Variants in PTPRN2 observed in about 807,000 individuals in gnomAD.
PTPRN2 encodes protein tyrosine phosphatase receptor type N2, also known as receptor-type tyrosine-protein phosphatase N2.
In PTPRN2, 74 loss-of-function variants were observed where a neutral mutation model predicts 118.8. The ratio of observed to expected loss-of-function variants is 0.62; its 90% CI spans 0.52 to 0.76. The LOEUF (loss-of-function observed/expected upper bound fraction) is 0.76, where lower values mean the gene tolerates loss of function less well. Ranked by LOEUF, PTPRN2 falls within the 30% of genes least tolerant of loss-of-function variation. PTPRN2 has a pLI of 0.00. For synonymous variants in PTPRN2, 641 were observed against 608.0 expected, an observed-to-expected ratio of 1.05 and a Z score of -0.80; for missense variants, 1,481 against 1,394.4, an observed-to-expected ratio of 1.06 and a Z score of -0.99.
chr7:157,702,066 T>C lies in PTPRN2; in HGVS notation c.1789-19129A>G, dbSNP rs778027490. On this transcript the variant is annotated intron_variant, in intron 12 of 22. Coordinates refer to ENST00000389418, the MANE Select transcript of PTPRN2 (RefSeq NM_002847.5). ...CCGGTCGGTGCTGGTGTAACTGACGTGGGCTGTGCATTTATAAGAAAGCCT... is the reference window on the plus strand; with the variant it reads ...CCGGTCGGTGCTGGTGTAACTGACGCGGGCTGTGCATTTATAAGAAAGCCT... Among the ~76,000 whole-genome samples, 28 of 145,576 alleles carry C rather than the reference T, an allele frequency of 1.9e-4. 1 individual carries two copies. The highest frequency in any genetic ancestry group is 4.7e-4 in the South Asian group (2 of 4,278).
At chr7:158,580,845 T>C (rs1424670487) in intron 1 of PTPRN2, among the ~76,000 whole-genome samples, 2 of 152,134 alleles carry the variant, frequency 1.3e-5, no homozygotes, top group African/African-American at 2.4e-5. Context: ...AAGGGTGGCA[T>C]TTTCATTCCC....
At chr7:157,911,965 G>A (rs957397939) in intron 11 of PTPRN2, among the ~76,000 whole-genome samples, 5 of 152,148 alleles carry the variant, frequency 3.3e-5, no homozygotes, top group East Asian at 1.9e-4. Flanking sequence ...GGAGCATCAC[G>A]CTTTATTTTT....
chr7:158,064,380 A>G (rs1300545081), intron 11 of PTPRN2, among the ~76,000 whole-genome samples: 1 of 152,130 alleles, frequency 6.6e-6, no homozygotes, highest in Non-Finnish European at 1.5e-5. Flanking sequence ...TGCCCAGGAC[A>G]GCCACAGCCC....
chr7:157,866,686 G>A (rs1237165374), intron 12 of PTPRN2, among the ~76,000 whole-genome samples: 3 of 151,976 alleles, frequency 2.0e-5, no homozygotes, highest in South Asian at 2.1e-4. Context: ...TCCCAGGCTC[G>A]CCCCAGTGCT....
At chr7:158,550,043 A>T (rs1586923107) in intron 1 of PTPRN2, among the ~76,000 whole-genome samples, 1 of 152,180 alleles carries the variant, frequency 6.6e-6, no homozygotes, top group South Asian at 2.1e-4. Context: ...GTCAGGAAGG[A>T]CCTCATGGGG....
At chr7:158,535,810 G>C (rs551161657) in intron 1 of PTPRN2, among the ~76,000 whole-genome samples, 3 of 150,658 alleles carry the variant, frequency 2.0e-5, no homozygotes, top group Non-Finnish European at 3.0e-5. Context: ...TTAATATAGC[G>C]GCTATACTTG....
At chr7:158,208,031 C>G (rs1827295168) in intron 3 of PTPRN2, among the ~76,000 whole-genome samples, 1 of 152,148 alleles carries the variant, frequency 6.6e-6, no homozygotes, top group Non-Finnish European at 1.5e-5. Context: ...CTCTTGACAG[C>G]AGAGTTGACC....
At chr7:158,171,326 T>TATATAC (rs1823670448) in intron 5 of PTPRN2, among the ~76,000 whole-genome samples, 1 of 127,466 alleles carries the variant, frequency 7.8e-6, no homozygotes, top group African/African-American at 3.2e-5. Flanking sequence ...TATATATATA[T>TATATAC]ATATATATAT....
chr7:158,019,496 C>T (rs977015504), intron 11 of PTPRN2, among the ~76,000 whole-genome samples: 1 of 152,218 alleles, frequency 6.6e-6, no homozygotes, highest in Non-Finnish European at 1.5e-5. Context: ...ACAGGATGCC[C>T]ACAAGGCCTC....
Position 157,918,985 on chromosome 7 carries a change from G to C in PTPRN2, c.1724-20248C>G, listed in dbSNP as rs374533400. ...TAAATGCCCCCATCTTATTGATAAA[G>C]AGGACTGAGTTTTCCAGGGGGTTAA... is the stretch of plus-strand genomic sequence containing the variant. On this transcript the variant is annotated intron_variant, in intron 11 of 22. Coordinates refer to ENST00000389418, the MANE Select transcript of PTPRN2 (RefSeq NM_002847.5). 6.6e-5 allele frequency among the ~76,000 whole-genome samples: 10 copies of C among 152,284 alleles called. No homozygotes were observed. The East Asian group carries it at 7.7e-4, about 12-fold the overall frequency.
chr7:158,006,066 A>G (rs1261545161), intron 11 of PTPRN2, among the ~76,000 whole-genome samples: 3 of 152,196 alleles, frequency 2.0e-5, no homozygotes, highest in Non-Finnish European at 4.4e-5. Context: ...GCTCCTTTTC[A>G]CCAAGGCTTC....
Position 157,622,371 on chromosome 7 carries a change from C to T in PTPRN2, c.2197-862G>A, listed in dbSNP as rs548381051. Among the ~76,000 whole-genome samples the T allele has an allele frequency of 8.3e-4, 127 of 152,208 alleles. No individual in the cohort carries two copies. Among genetic ancestry groups the T allele is most frequent in the African/African-American group, 2.8e-3 (117 of 41,546 alleles). ...GTACACATGGTCCTTTGCTGCAAAG[C>T]GGCCACGCATTCCAATGTCAGGCCC... On this transcript the variant is annotated intron_variant, in intron 14 of 22. Transcript: ENST00000389418. The surrounding 1 kb of genome is among the most constrained non-coding windows in gnomAD (Gnocchi z 5.3).
chr7:157,704,515 C>T (rs1214493826), intron 12 of PTPRN2, among the ~76,000 whole-genome samples: 2 of 152,172 alleles, frequency 1.3e-5, no homozygotes. Context: ...GAATGGAGGG[C>T]CTGAAGGTCC....
intron 15 of PTPRN2, among the ~76,000 whole-genome samples, chr7:157,608,387 T>C (rs986874948): frequency 7.2e-5 from 11 of 151,930 alleles, no homozygotes; most frequent in African/African-American, 2.2e-4. Flanking sequence ...ATTGTGTTTG[T>C]AATATGGGGT....
At chr7:157,551,232 C>A (rs1022144696) in intron 21 of PTPRN2, among the ~76,000 whole-genome samples, 1 of 152,138 alleles carries the variant, frequency 6.6e-6, no homozygotes, top group African/African-American at 2.4e-5. Flanking sequence ...CTCAGAAATG[C>A]CCATATTGTC....
At chr7:158,362,383 C>A (rs1348416764) in intron 2 of PTPRN2, among the ~76,000 whole-genome samples, 2 of 40,466 alleles carry the variant, frequency 4.9e-5, no homozygotes, top group African/African-American at 2.6e-4. Flanking sequence ...GTCCACAACT[C>A]ATTTACTCAC....
intron 2 of PTPRN2, among the ~76,000 whole-genome samples, chr7:158,387,911 G>C (rs1371932547): frequency 6.6e-6 from 1 of 152,164 alleles, no homozygotes; most frequent in Non-Finnish European, 1.5e-5. Context: ...CCCAATCGGT[G>C]AGCTAATGCC....
intron 12 of PTPRN2, among the ~76,000 whole-genome samples, 178 bp downstream of exon 12, chr7:157,898,495 G>C (rs974587916): frequency 6.6e-6 from 1 of 152,166 alleles, no homozygotes; most frequent in East Asian, 1.9e-4. Flanking sequence ...CGCCAGGCAC[G>C]TTTCGCCACC....
chr7:157,974,893 G>A lies in PTPRN2; in HGVS notation c.1724-76156C>T, dbSNP rs1265668695. 6.6e-6 allele frequency among the ~76,000 whole-genome samples: 1 copy of A among 152,144 alleles called. No homozygotes were observed. Among genetic ancestry groups the A allele is most frequent in the African/African-American group, 2.4e-5 (1 of 41,424 alleles). ...CGTCCATCCCCAGCCCCTCAGGCAT[G>A]TTCACCATCATGGCGCACATGTCTG... On this transcript the variant is annotated intron_variant, in intron 11 of 22. Coordinates refer to ENST00000389418, the MANE Select transcript of PTPRN2 (RefSeq NM_002847.5). This position sits in a 1 kb window ranked among gnomAD's most constrained non-coding sequence, Gnocchi z 4.0.
Sources: allele counts gnomAD v4.1 joint callset (sites outside exome capture counted in the v4.1 genomes callset), GRCh38; gene constraint gnomAD v4.1.1; non-coding constraint Gnocchi (gnomAD v3.1); transcripts MANE v1.5; gene names NCBI Gene and HGNC (gene_info 2026-07-23, HGNC 2026-07-21).